Variants in SEPTIN11 observed in about 807,000 individuals in gnomAD.
The protein encoded by SEPTIN11 is septin-11.
A neutral mutation model predicts 51.4 loss-of-function variants in SEPTIN11; 25 were observed. The ratio of observed to expected loss-of-function variants is 0.49; its 90% CI spans 0.35 to 0.68. SEPTIN11 has a LOEUF of 0.68. Among genes scored for constraint, SEPTIN11 ranks in the 30% least tolerant of loss-of-function variants. The pLI is 0.00. For synonymous variants in SEPTIN11, 174 were observed against 184.1 expected, an observed-to-expected ratio of 0.95 and a Z score of 0.44; for missense variants, 381 against 520.8, an observed-to-expected ratio of 0.73 and a Z score of 2.61.
intron 4 of SEPTIN11, among the ~76,000 whole-genome samples, chr4:77,012,920 T>C (rs1487092396): frequency 2.0e-5 from 3 of 152,156 alleles, no homozygotes; most frequent in Admixed American, 2.0e-4. Context: ...GCAGAATAAA[T>C]AGAAACCCTC....
intron 7 of SEPTIN11, among the ~76,000 whole-genome samples, chr4:77,023,362 T>A (rs1725879652): frequency 6.8e-6 from 1 of 147,520 alleles, no homozygotes; most frequent in African/African-American, 2.5e-5. Flanking sequence ...ATGATATAAT[T>A]ATATAATAAT....
chr4:76,978,416 G>A lies in SEPTIN11; in HGVS notation c.28-18009G>A, dbSNP rs186438931. Among the ~76,000 whole-genome samples the A allele has an allele frequency of 7.9e-5, 12 of 152,214 alleles. No homozygotes were observed. In the East Asian group the frequency reaches 1.5e-3, roughly 20 times the overall value. On this transcript the variant is annotated intron_variant, in intron 1 of 9. Transcript: ENST00000264893. ...AGTGTGATGTGCTTGGGTGGGCCACGCATGTCCCTTGATGGCCAACACACA... is the reference window on the plus strand; with the variant it reads ...AGTGTGATGTGCTTGGGTGGGCCACACATGTCCCTTGATGGCCAACACACA...
At position 77,036,739 on chromosome 4, in the gene SEPTIN11, T is replaced by C. The variant is rs745835522; in HGVS notation, c.*2227T>C. 6.5e-6 allele frequency: 10 copies of C among 1,535,148 alleles called. No individual in the cohort carries two copies. The South Asian group carries it at 8.3e-5, about 13-fold the overall frequency. On this transcript the variant is annotated 3_prime_UTR_variant, in exon 10 of 10. Transcript: ENST00000264893. Reference sequence around the variant, plus strand: ...AGTTTGTTATTGCTGCTTTTCTTTTTTCTTTCTGTATCTATGCCTTTTTTT... The same window carrying C: ...AGTTTGTTATTGCTGCTTTTCTTTTCTCTTTCTGTATCTATGCCTTTTTTT...
At chr4:76,949,976 C>A in intron 1 of SEPTIN11, 46 bp downstream of exon 1, 1 of 1,424,404 alleles carries the variant, frequency 7.0e-7, no homozygotes, top group Non-Finnish European at 9.1e-7. Flanking sequence ...GCCGGGTGGT[C>A]TCTGCTCTGG....
intron 1 of SEPTIN11, among the ~76,000 whole-genome samples, chr4:76,950,239 T>A (rs1477354757): frequency 1.3e-5 from 2 of 152,162 alleles, no homozygotes; most frequent in Non-Finnish European, 2.9e-5. Flanking sequence ...GCCGCCTCCC[T>A]CTGCCCGCGC....
rs1726946499 is a variant in SEPTIN11 at position 77,035,185 on chromosome 4, G to A, written c.*673G>A. On this transcript the variant is annotated 3_prime_UTR_variant, in exon 10 of 10. Transcript: ENST00000264893. ...ATCCTGGCCAAGTTGGAGTAGACTG[G>A]TATGAGAAAACTATGATTAGTTCAC... 2.0e-6 allele frequency: 2 copies of A among 985,280 alleles called. No individual in the cohort carries two copies. Among genetic ancestry groups the A allele is most frequent in the African/African-American group, 1.7e-5 (1 of 57,210 alleles). The allele number at this position is 985,280 out of a possible 1,614,324, so 61.0% of individuals were successfully genotyped here. A position where few individuals can be genotyped will look rare whatever the true frequency, so the allele number is the denominator to read the frequency against.
At position 77,035,549 on chromosome 4, in the gene SEPTIN11, A is replaced by AC; in HGVS notation, c.*1037_*1038insC. 1.0e-6 allele frequency: 1 copy of AC among 985,466 alleles called. No individual in the cohort carries two copies. The highest frequency in any genetic ancestry group is 1.2e-6 in the Non-Finnish European group (1 of 829,940). 61.0% of individuals were successfully genotyped at this position (985,466 alleles called of 1,614,324 possible). On this transcript the variant is annotated 3_prime_UTR_variant, in exon 10 of 10. Transcript: ENST00000264893. ...AGGCCTTGTCAATTTTAAGGTGGAA[A>AC]TAGGAAGGACCACAACATGACCCGT...
intron 1 of SEPTIN11, among the ~76,000 whole-genome samples, chr4:76,995,365 AG>A (rs1313365031): frequency 2.0e-5 from 3 of 152,108 alleles, no homozygotes; most frequent in Non-Finnish European, 4.4e-5. Context: ...CTGGCGACAG[AG>A]TGAGACTCCA....
chr4:77,013,466 G>C (rs532751826), intron 4 of SEPTIN11, among the ~76,000 whole-genome samples: 2 of 152,248 alleles, frequency 1.3e-5, no homozygotes, highest in African/African-American at 4.8e-5. Flanking sequence ...GATCAATTTG[G>C]CCAAGAAAGA....
rs543695110 is a variant in SEPTIN11 at position 76,981,304 on chromosome 4, A to G, written c.28-15121A>G. Among the ~76,000 whole-genome samples, 18 of 152,268 alleles carry G rather than the reference A, an allele frequency of 1.2e-4. No individual in the cohort carries two copies. In the South Asian group the frequency reaches 3.3e-3, roughly 28 times the overall value. ...AAGAGACATTTTTAGTGGACAATGG[A>G]GGGGGTGGAGAGGACTGTGGGAACA... is the stretch of plus-strand genomic sequence containing the variant. On this transcript the variant is annotated intron_variant, in intron 1 of 9. Transcript: ENST00000264893.
chr4:76,998,911 C>G (rs1723922544), intron 2 of SEPTIN11, among the ~76,000 whole-genome samples: 1 of 152,070 alleles, frequency 6.6e-6, no homozygotes, highest in Non-Finnish European at 1.5e-5. Context: ...GGAGTCAGTT[C>G]ACTCCAAAAC....
intron 9 of SEPTIN11, among the ~76,000 whole-genome samples, chr4:77,033,450 G>A (rs545921640): frequency 2.1e-4 from 32 of 152,160 alleles, no homozygotes; most frequent in Non-Finnish European, 4.4e-4. Flanking sequence ...CTAATGACAC[G>A]CTCCTTTTTT....
intron 3 of SEPTIN11, among the ~76,000 whole-genome samples, chr4:77,010,691 T>A (rs1724798798): frequency 6.6e-6 from 1 of 152,232 alleles, no homozygotes; most frequent in African/African-American, 2.4e-5. Flanking sequence ...TCAGTTTAAC[T>A]TATGGGTATG....
chr4:77,035,467 A>G lies in SEPTIN11; in HGVS notation c.*955A>G, dbSNP rs1726962637. ...GAATCATGAGAAAATTTCCACAGATACTTCCCTTAGAAAATTTGCTATAAA... is the reference window on the plus strand; with the variant it reads ...GAATCATGAGAAAATTTCCACAGATGCTTCCCTTAGAAAATTTGCTATAAA... On this transcript the variant is annotated 3_prime_UTR_variant, in exon 10 of 10. Coordinates refer to ENST00000264893, the MANE Select transcript of SEPTIN11 (RefSeq NM_018243.4). 1 of 985,244 alleles carries G rather than the reference A, an allele frequency of 1.0e-6. No individual in the cohort carries two copies. The highest frequency in any genetic ancestry group is 1.7e-5 in the African/African-American group (1 of 57,220). The allele number at this position is 985,244 out of a possible 1,614,324, so 61.0% of individuals were successfully genotyped here.
chr4:77,033,933 C>T (rs1203041113), intron 9 of SEPTIN11, among the ~76,000 whole-genome samples: 1 of 152,196 alleles, frequency 6.6e-6, no homozygotes. Context: ...GGGAAAGCTC[C>T]TGGCATTGCT....
intron 1 of SEPTIN11, among the ~76,000 whole-genome samples, chr4:76,953,866 A>C (rs1341571194): frequency 9.2e-5 from 14 of 152,218 alleles, no homozygotes; most frequent in African/African-American, 3.1e-4. Context: ...AATTGATTAA[A>C]AGAACAAAAC....
Position 77,028,669 on chromosome 4 carries a change from G to A in SEPTIN11, c.994G>A (p.Gly332Arg). The A allele has an allele frequency of 6.2e-7, 1 of 1,613,014 alleles. No individual in the cohort carries two copies. Among genetic ancestry groups the A allele is most frequent in the South Asian group, 1.1e-5 (1 of 90,798 alleles). ...TYEAKRNEFL[G>R]ELQKKEEEMR... ...TGAAGCAAAAAGGAATGAATTCCTG[G>A]GAGAACTGCAGAAGAAAGAAGAAGA... Residue 332 changes from glycine to arginine, a missense_variant, in exon 8 of 10, where the codon GGA becomes AGA. Around this residue, in one of 2 missense-constraint regions of SEPTIN11, gnomAD observed 197 missense variants for 313.1 expected, o/e 0.63. Transcript: ENST00000264893.
chr4:76,991,481 T>C (rs1578151080), intron 1 of SEPTIN11, among the ~76,000 whole-genome samples: 1 of 152,232 alleles, frequency 6.6e-6, no homozygotes, highest in South Asian at 2.1e-4. Context: ...ATTTGTTTTA[T>C]AATTATCTCA....
At chr4:76,968,709 A>G (rs1444540688) in intron 1 of SEPTIN11, among the ~76,000 whole-genome samples, 1 of 152,212 alleles carries the variant, frequency 6.6e-6, no homozygotes, top group Non-Finnish European at 1.5e-5. Context: ...TAACAGTAAA[A>G]GAAAAAGATG....
Sources: allele counts gnomAD v4.1 joint callset (sites outside exome capture counted in the v4.1 genomes callset), GRCh38; gene constraint gnomAD v4.1.1; regional missense constraint gnomAD v4.1.1; transcripts MANE v1.5; gene names NCBI Gene and HGNC (gene_info 2026-07-23, HGNC 2026-07-21).